The following MYO5A variants were observed in gnomAD, a reference collection of about 807,000 sequenced individuals.
The protein encoded by MYO5A is myosin VA.
In MYO5A, 98 loss-of-function variants were observed where a neutral mutation model predicts 249.7. The ratio of observed to expected loss-of-function variants is 0.39; its 90% confidence interval spans 0.33 to 0.46. The LOEUF (loss-of-function observed/expected upper bound fraction) is 0.46. Ranked by LOEUF, MYO5A falls within the 20% of genes least tolerant of loss-of-function variation. The pLI is 0.98. For synonymous variants in MYO5A, 778 were observed against 810.6 expected (o/e 0.96, Z 0.68); for missense variants, 1,696 against 2,308.8 (o/e 0.73, Z 5.44).
intron 1 of MYO5A, among the ~76,000 whole-genome samples, chr15:52,446,259 TGCTCCA>T (rs1268254864): frequency 6.6e-6 from 1 of 152,238 alleles, no homozygotes; most frequent in Non-Finnish European, 1.5e-5. Context: ...GCGTGCTGGC[TGCTCCA>T]GCTCCAGCTC....
rs940793373 is a variant in MYO5A at position 52,353,791 on chromosome 15, C to T, written c.3567+80G>A. The T allele has an allele frequency of 1.1e-5, 18 of 1,607,028 alleles. No homozygotes were observed. In the African/African-American group the frequency reaches 2.1e-4, roughly 19 times the overall value. On this transcript the variant is annotated intron_variant, in intron 26 of 41. Transcript: ENST00000399233. ...CCAAGTGGTGCTTGGATAGGCTGGG[C>T]TGAGTCTCCACTAAGGAAGAGACTG...
intron 20 of MYO5A, among the ~76,000 whole-genome samples, chr15:52,373,239 G>C (rs529581328): frequency 1.3e-5 from 2 of 151,978 alleles, no homozygotes; most frequent in African/African-American, 4.8e-5. Flanking sequence ...ATTTGTTGTC[G>C]CTAAAGAGCA....
intron 4 of MYO5A, among the ~76,000 whole-genome samples, chr15:52,423,964 G>C (rs2075341824): frequency 6.6e-6 from 1 of 152,220 alleles, no homozygotes; most frequent in African/African-American, 2.4e-5. Context: ...GTTTTCCAAA[G>C]AGTCATATAA....
chr15:52,483,520 A>T (rs1397933428), intron 1 of MYO5A, among the ~76,000 whole-genome samples: 1 of 149,670 alleles, frequency 6.7e-6, no homozygotes, highest in Admixed American at 6.7e-5. Flanking sequence ...TCAGCAATAT[A>T]TTTAAAAACA....
intron 21 of MYO5A, among the ~76,000 whole-genome samples, chr15:52,370,765 G>T (rs2041062614): frequency 6.6e-6 from 1 of 152,094 alleles, no homozygotes; most frequent in African/African-American, 2.4e-5. Context: ...TCAAAATGTT[G>T]CTAAAAACCA....
intron 4 of MYO5A, among the ~76,000 whole-genome samples, chr15:52,417,009 T>C (rs1369103395): frequency 6.6e-6 from 1 of 152,242 alleles, no homozygotes; most frequent in African/African-American, 2.4e-5. Context: ...CATTATTTCT[T>C]CTGTGTTCTT....
At chr15:52,528,654 G>A in intron 1 of MYO5A, 126 bp downstream of exon 1, 1 of 1,125,188 alleles carries the variant, frequency 8.9e-7, no homozygotes, top group Non-Finnish European at 1.2e-6. Context: ...GGGTTCTGAG[G>A]CGCTGAAGGG....
At chr15:52,488,098 A>C (rs2076861786) in intron 1 of MYO5A, among the ~76,000 whole-genome samples, 1 of 152,112 alleles carries the variant, frequency 6.6e-6, no homozygotes, top group South Asian at 2.1e-4. Context: ...GAACTTTACT[A>C]AATTATCTAG....
At chr15:52,336,668 G>A (rs1167270779) in intron 33 of MYO5A, 112 bp from the exon 34 acceptor site, 1 of 833,216 alleles carries the variant, frequency 1.2e-6, no homozygotes, top group Non-Finnish European at 1.9e-6. Context: ...TTACATAAGA[G>A]CTCATTGGTG....
chr15:52,397,347 G>C lies in MYO5A; in HGVS notation c.1173C>G (p.Ile391Met), dbSNP rs1368253871. ...GGGCATTCGTGGCCTGCAGCTTGGAGATGGGCTTGATGTATGTCTCTGTGG... is the reference window on the plus strand; with the variant it reads ...GGGCATTCGTGGCCTGCAGCTTGGACATGGGCTTGATGTATGTCTCTGTGG... ...ATATETYIKP[I>M]SKLQATNARD... Residue 391 changes from isoleucine (I) to methionine (M), a missense_variant, in exon 10 of 42, where the codon ATC (isoleucine) becomes ATG (methionine). Physicochemically the swap from Ile to Met is conservative, Grantham distance 10 (BLOSUM62 1). Coordinates refer to ENST00000399233, the MANE Select transcript of MYO5A (RefSeq NM_001382347.1). 2.5e-6 allele frequency: 4 copies of C among 1,614,120 alleles called. No homozygotes were observed. In the South Asian group the frequency reaches 4.4e-5, roughly 18 times the overall value.
chr15:52,472,281 G>GTGTTAGCC (rs1281362543), intron 1 of MYO5A, among the ~76,000 whole-genome samples: 1 of 151,964 alleles, frequency 6.6e-6, no homozygotes, highest in Non-Finnish European at 1.5e-5. Flanking sequence ...GGGTTTCACC[G>GTGTTAGCC]TGTTAGCCAG....
intron 22 of MYO5A, 96 bp downstream of exon 22, chr15:52,370,073 C>A: frequency 1.7e-5 from 25 of 1,514,958 alleles, no homozygotes; most frequent in Non-Finnish European, 2.2e-5. Flanking sequence ...TACTGCATTT[C>A]TAATAAAACC....
At chr15:52,439,580 T>C (rs775479719) in intron 1 of MYO5A, among the ~76,000 whole-genome samples, 11 of 151,982 alleles carry the variant, frequency 7.2e-5, no homozygotes, top group Non-Finnish European at 1.6e-4. Context: ...TGAGATAAGG[T>C]AAGGCAAGGA....
At chr15:52,453,957 G>A (rs577261040) in intron 1 of MYO5A, among the ~76,000 whole-genome samples, 2 of 152,100 alleles carry the variant, frequency 1.3e-5, no homozygotes, top group East Asian at 3.9e-4. Context: ...GGAGAAGAGA[G>A]AATAAGAAAA....
intron 12 of MYO5A, among the ~76,000 whole-genome samples, chr15:52,390,797 T>C (rs747857288): frequency 3.9e-5 from 6 of 152,122 alleles, no homozygotes; most frequent in African/African-American, 9.7e-5. Flanking sequence ...TGAACTCAAA[T>C]ATCCACCCAC....
rs376934921 is a variant in MYO5A, at chr15:52,398,905, C to T, written c.1054-1439G>A. 4.6e-5 allele frequency among the ~76,000 whole-genome samples: 7 copies of T among 152,008 alleles called. No homozygotes were observed. The East Asian group carries it at 7.7e-4, about 17-fold the overall frequency. On this transcript the variant is annotated intron_variant, in intron 9 of 41. Coordinates refer to ENST00000399233, the MANE Select transcript of MYO5A (RefSeq NM_001382347.1). The stretch of plus-strand genomic sequence containing the variant: ...TGGGGAGGCTGAGGCAAGAGAATTG[C>T]TTGAACCTGGGAGGTGGAGGTTGCA...
At chr15:52,450,259 G>A (rs1451673204) in intron 1 of MYO5A, among the ~76,000 whole-genome samples, 1 of 151,928 alleles carries the variant, frequency 6.6e-6, no homozygotes, top group Non-Finnish European at 1.5e-5. Flanking sequence ...ACCACATAGG[G>A]GTATCATGAA....
At chr15:52,511,040 T>C (rs1010440723) in intron 1 of MYO5A, among the ~76,000 whole-genome samples, 1 of 152,224 alleles carries the variant, frequency 6.6e-6, no homozygotes, top group South Asian at 2.1e-4. Flanking sequence ...AAATTGGACC[T>C]CAATGACTCC....
At chr15:52,336,779 G>A (rs2039140847) in intron 33 of MYO5A, among the ~76,000 whole-genome samples, 1 of 152,226 alleles carries the variant, frequency 6.6e-6, no homozygotes, top group Admixed American at 6.5e-5. Context: ...ACAGCGTGAT[G>A]GACAGCAGGC....
Sources: allele counts gnomAD v4.1 joint callset (sites outside exome capture counted in the v4.1 genomes callset), GRCh38; gene constraint gnomAD v4.1.1; transcripts MANE v1.5; gene names NCBI Gene and HGNC (gene_info 2026-07-23, HGNC 2026-07-21).